The following PIEZO1 variants were observed in gnomAD, a reference collection of about 807,000 sequenced individuals.
PIEZO1 encodes piezo type mechanosensitive ion channel component 1 (Er blood group).
In PIEZO1, 296 loss-of-function variants were observed where a neutral mutation model predicts 297.2. The ratio of observed to expected loss-of-function variants is 1.00; its 90% CI spans 0.91 to 1.10. The LOEUF (loss-of-function observed/expected upper bound fraction) is 1.10, where lower values mean the gene tolerates loss of function less well. Ranked by LOEUF, PIEZO1 falls within the 50% of genes least tolerant of loss-of-function variation. PIEZO1 has a pLI of 0.00. For missense variants in PIEZO1, 5,018 were observed against 3,455.5 expected (o/e 1.45, Z -11.34); for synonymous variants, 2,427 against 1,507.5 (o/e 1.61, Z -14.13).
intron 27 of PIEZO1, 125 bp from the exon 28 acceptor site, chr16:88,725,809 G>T (rs369733689): frequency 1.6e-6 from 1 of 636,830 alleles, no homozygotes. Context: ...TGGACAAGAG[G>T]CACCCACGGG....
In PIEZO1 at chr16:88,732,742, G is replaced by T; in HGVS notation, c.2665-10C>A. 6.5e-7 allele frequency: 1 copy of T among 1,538,830 alleles called. No individual in the cohort carries two copies. Among genetic ancestry groups the T allele is most frequent in the Non-Finnish European group, 8.8e-7 (1 of 1,140,062 alleles). ...TGCTGTTGGGGAAGGGCTGGCAAGA[G>T]GCCAGGCATCAGTGCCCCCTCCCAG... is the stretch of plus-strand genomic sequence containing the variant. On this transcript the variant is annotated splice_polypyrimidine_tract_variant and intron_variant, in intron 19 of 50. Coordinates refer to ENST00000301015, the MANE Select transcript of PIEZO1 (RefSeq NM_001142864.4).
chr16:88,740,224 G>T (rs1031899581), intron 5 of PIEZO1: 1 of 152,286 alleles, frequency 6.6e-6, no homozygotes, highest in Admixed American at 6.5e-5. Context: ...CTGCCAGGCC[G>T]GGTCATGGGG....
rs1904932092 is a variant in PIEZO1, at chr16:88,732,553, CA to C, written c.2791-19del. ...AGGTGGTTCTGCGGAGGGCAAGGGT[CA>C]GGGGGCAGCCGGGTACTCGCCCGCC... On this transcript the variant is annotated intron_variant, in intron 20 of 50. Coordinates refer to ENST00000301015, the MANE Select transcript of PIEZO1 (RefSeq NM_001142864.4). The C allele has an allele frequency of 6.5e-7, 1 of 1,544,092 alleles. No individual in the cohort carries two copies. The highest frequency in any genetic ancestry group is 1.2e-5 in the South Asian group (1 of 83,876).
chr16:88,733,993 G>C lies in PIEZO1; in HGVS notation c.2242C>G (p.Gln748Glu), dbSNP rs1188215138. 1.3e-6 allele frequency: 2 copies of C among 1,547,290 alleles called. No individual in the cohort carries two copies. Among genetic ancestry groups the C allele is most frequent in the African/African-American group, 1.4e-5 (1 of 73,130 alleles). ...TCCTCCTCCTCCTCCTCCTCCTGCTGCTGCTGCTGATGCTCCTGCTGCTCC... is the reference window on the plus strand; with the variant it reads ...TCCTCCTCCTCCTCCTCCTCCTGCTCCTGCTGCTGATGCTCCTGCTGCTCC... ...REEQQEHQQQ[Q>E]QEEEEEEEDS... The change falls in exon 17 of 51, where the codon CAG becomes GAG. Residue 748 changes from glutamine to glutamate, a missense_variant. Coordinates refer to ENST00000301015, the MANE Select transcript of PIEZO1 (RefSeq NM_001142864.4).
At chr16:88,776,761 G>C (rs574834061) in intron 1 of PIEZO1, among the ~76,000 whole-genome samples, 1 of 152,336 alleles carries the variant, frequency 6.6e-6, no homozygotes, top group East Asian at 1.9e-4. Flanking sequence ...CTGGCTCGGG[G>C]CGGGCCAGTC....
chr16:88,784,867 TC>T, intron 1 of PIEZO1, 33 bp downstream of exon 1: 1 of 1,381,512 alleles, frequency 7.2e-7, no homozygotes, highest in Admixed American at 2.4e-5. Flanking sequence ...CGCAGCCCCC[TC>T]CCGTCGCCCC....
intron 22 of PIEZO1, among the ~76,000 whole-genome samples, chr16:88,728,056 G>A (rs1437439257): frequency 1.3e-5 from 2 of 152,270 alleles, no homozygotes; most frequent in Non-Finnish European, 2.9e-5. Flanking sequence ...ACCACAGCTG[G>A]GAACGCGCTG....
At chr16:88,734,320 C>T (rs1464159594) in intron 16 of PIEZO1, 36 bp downstream of exon 16, 1 of 1,470,684 alleles carries the variant, frequency 6.8e-7, no homozygotes, top group African/African-American at 1.4e-5. Flanking sequence ...GGAGGCTACA[C>T]CTCTCCAGGG....
chr16:88,732,827 C>G, intron 19 of PIEZO1, 95 bp from the exon 20 acceptor site: 3 of 1,269,832 alleles, frequency 2.4e-6, no homozygotes, highest in Non-Finnish European at 3.2e-6. Flanking sequence ...GGGGCAGGTC[C>G]ACTGCTCCCC....
intron 44 of PIEZO1, chr16:88,719,360 T>A: frequency 1.8e-6 from 1 of 567,860 alleles, no homozygotes; most frequent in Non-Finnish European, 3.2e-6. Flanking sequence ...CAGGACCAAC[T>A]CCGCTGCCCA....
intron 29 of PIEZO1, 46 bp from the exon 30 acceptor site, chr16:88,725,126 G>T (rs770575417): frequency 1.5e-6 from 2 of 1,361,840 alleles, no homozygotes; most frequent in Non-Finnish European, 1.0e-6. Context: ...AAGCCACCAG[G>T]AGGGGTCGGG....
chr16:88,773,603 G>A (rs1381567311), intron 1 of PIEZO1, among the ~76,000 whole-genome samples: 1 of 152,240 alleles, frequency 6.6e-6, no homozygotes, highest in Non-Finnish European at 1.5e-5. Flanking sequence ...GGAAAAGGCT[G>A]ACAGGCAGGT....
chr16:88,725,943 G>A (rs1036689299), intron 27 of PIEZO1: 12 of 568,272 alleles, frequency 2.1e-5, no homozygotes, highest in African/African-American at 2.1e-4. Context: ...AGGCAAAGCT[G>A]GCCCCAAGCC....
rs559349924 is a variant in PIEZO1 at position 88,742,217 on chromosome 16, C to T, written c.283+83G>A. Reference sequence around the variant, plus strand: ...GACATAAATCAGGCTGAGTCAACCCCCCCAGGAGACTCGGGGTCACTGCAG... The same window carrying T: ...GACATAAATCAGGCTGAGTCAACCCTCCCAGGAGACTCGGGGTCACTGCAG... On this transcript the variant is annotated intron_variant, in intron 3 of 50. Transcript: ENST00000301015. The T allele has an allele frequency of 1.3e-5, 19 of 1,500,236 alleles. No individual in the cohort carries two copies. In the African/African-American group the frequency reaches 2.1e-4, roughly 16 times the overall value. 92.9% of individuals were successfully genotyped at this position (1,500,236 alleles called of 1,614,324 possible).
rs1217526008 is a variant in PIEZO1, at chr16:88,719,564, G to A, written c.6471+10C>T. ...GCCCTTGTCCCGGCCCCCGCCCTGGGCCCAGGCACCTTCTCTGTCTCTCGG... is the reference window on the plus strand; with the variant it reads ...GCCCTTGTCCCGGCCCCCGCCCTGGACCCAGGCACCTTCTCTGTCTCTCGG... On this transcript the variant is annotated intron_variant, in intron 44 of 50. Coordinates refer to ENST00000301015, the MANE Select transcript of PIEZO1 (RefSeq NM_001142864.4). 6.5e-7 allele frequency: 1 copy of A among 1,550,076 alleles called. No individual in the cohort carries two copies. The highest frequency in any genetic ancestry group is 8.7e-7 in the Non-Finnish European group (1 of 1,146,606).
intron 4 of PIEZO1, 40 bp downstream of exon 4, chr16:88,742,013 A>C: frequency 1.3e-6 from 2 of 1,533,398 alleles, no homozygotes; most frequent in Non-Finnish European, 8.7e-7. Flanking sequence ...GAAATCCCCA[A>C]GGGAGGCTTG....
intron 12 of PIEZO1, 130 bp from the exon 13 acceptor site, chr16:88,735,376 G>C (rs1410755036): frequency 3.0e-6 from 2 of 673,976 alleles, no homozygotes; most frequent in Non-Finnish European, 5.4e-6. Context: ...ATCCACCGCA[G>C]CCTCCCCACA....
chr16:88,731,392 C>A (rs1337841141), intron 22 of PIEZO1: 2 of 349,936 alleles, frequency 5.7e-6, no homozygotes, highest in Non-Finnish European at 1.1e-5. Flanking sequence ...ACGGCCGACC[C>A]GCACGGGGCC....
intron 2 of PIEZO1, chr16:88,743,591 G>C (rs1382006134): frequency 8.8e-6 from 4 of 456,576 alleles, no homozygotes; most frequent in Non-Finnish European, 1.8e-5. Context: ...ACTCTGTTCA[G>C]TTTTTTGAGC....
Sources: allele counts gnomAD v4.1 joint callset (sites outside exome capture counted in the v4.1 genomes callset), GRCh38; gene constraint gnomAD v4.1.1; transcripts MANE v1.5; gene names NCBI Gene and HGNC (gene_info 2026-07-23, HGNC 2026-07-21).